SSX2IP: variants seen among roughly 807,000 people sequenced by gnomAD.
The protein encoded by SSX2IP is SSX family member 2 interacting protein, also known as afadin- and alpha-actinin-binding protein.
Under a neutral mutation model 84.9 loss-of-function variants are expected in SSX2IP, and 55 were observed. The observed-to-expected ratio is 0.65, with a 90% CI of 0.52 to 0.81. SSX2IP has a LOEUF of 0.81. SSX2IP is among the 30% of genes least tolerant of loss of function. The pLI is 0.00. For synonymous variants in SSX2IP, 239 were observed against 234.7 expected, an observed-to-expected ratio of 1.02 and a Z score of -0.17; for missense variants, 664 against 705.2, an observed-to-expected ratio of 0.94 and a Z score of 0.66.
At chr1:84,683,460 G>C (rs1295444897) in intron 1 of SSX2IP, among the ~76,000 whole-genome samples, 2 of 152,102 alleles carry the variant, frequency 1.3e-5, no homozygotes, top group African/African-American at 4.8e-5. Flanking sequence ...TATATTGCCA[G>C]GCTTTCCCTG....
rs770385084 is a variant in SSX2IP at position 84,669,853 on chromosome 1, G to T, written c.254C>A (p.Ser85Tyr). 1.9e-6 allele frequency: 3 copies of T among 1,613,210 alleles called. No individual in the cohort carries two copies. The South Asian group carries it at 3.3e-5, about 18-fold the overall frequency. ...CTCTCTCTTTGTCTCTTTACCTTTG[G>T]ATTCTTCATATAATGAAGGAAAACC... is the stretch of plus-strand genomic sequence containing the variant. ...TFGFPSLYEE[S>Y]KGKETKRELN... The change falls in exon 4 of 14, where the codon TCC becomes TAC. Residue 85 changes from serine to tyrosine, a missense_variant. Physicochemically the swap from Ser to Tyr is moderately radical, Grantham distance 144. Transcript: ENST00000342203.
intron 1 of SSX2IP, among the ~76,000 whole-genome samples, chr1:84,676,719 C>CT (rs61017474): frequency 0.024 from 2,427 of 99,410 alleles, 147 homozygotes; most frequent in African/African-American, 0.084. Flanking sequence ...TGCTCTTTTC[C>CT]TTTTTTTTTT....
At chr1:84,689,209 T>C (rs1326046540) in intron 1 of SSX2IP, among the ~76,000 whole-genome samples, 1 of 152,220 alleles carries the variant, frequency 6.6e-6, no homozygotes, top group East Asian at 1.9e-4. Context: ...AAGGCATTTC[T>C]TTCCTCTCCA....
At chr1:84,680,235 T>C (rs1654892069) in intron 1 of SSX2IP, 1 of 152,194 alleles carries the variant, frequency 6.6e-6, no homozygotes, top group South Asian at 2.1e-4. Flanking sequence ...ATTCCTTATA[T>C]ATCTTTGAAC....
intron 1 of SSX2IP, among the ~76,000 whole-genome samples, chr1:84,671,708 C>T (rs1264147942): frequency 6.6e-6 from 1 of 152,126 alleles, no homozygotes; most frequent in Non-Finnish European, 1.5e-5. Flanking sequence ...TTTTTACCAA[C>T]TATATTGGCA....
intron 12 of SSX2IP, among the ~76,000 whole-genome samples, chr1:84,651,054 A>G (rs1016353858): frequency 6.6e-6 from 1 of 152,148 alleles, no homozygotes; most frequent in East Asian, 1.9e-4. Context: ...GGTGGCTCAC[A>G]CCTGTAATCC....
In SSX2IP at chr1:84,647,085, T is replaced by C. The variant is rs1649540151; in HGVS notation, c.*348A>G. 6.1e-6 allele frequency: 1 copy of C among 164,284 alleles called. No homozygotes were observed. The highest frequency in any genetic ancestry group is 1.3e-5 in the Non-Finnish European group (1 of 76,142). The allele number at this position is 164,284 out of a possible 1,614,324, so 10.2% of individuals were successfully genotyped here. On this transcript the variant is annotated 3_prime_UTR_variant, in exon 14 of 14. Transcript: ENST00000342203. ...AAGGCTAAACTTCCAATGCCAACTA[T>C]ATTTGAGACAAAATTAAACATTTAC... is the stretch of plus-strand genomic sequence containing the variant.
At chr1:84,659,325 G>A (rs545470774) in intron 8 of SSX2IP, among the ~76,000 whole-genome samples, 2 of 152,156 alleles carry the variant, frequency 1.3e-5, no homozygotes, top group Admixed American at 6.5e-5. Context: ...GGTCAGCAAT[G>A]GGCTAGCAGA....
chr1:84,656,417 T>C lies in SSX2IP; in HGVS notation c.1146A>G (p.Glu382=). ...DVISRQDHEQ[E]TEKLELEIQQ... Reference sequence around the variant, plus strand: ...GAATTTCTAACTCGAGTTTTTCAGTTTCTTGTTCATGGTCTTGTCGTGAGA... The same window carrying C: ...GAATTTCTAACTCGAGTTTTTCAGTCTCTTGTTCATGGTCTTGTCGTGAGA... Residue 382 remains glutamate, a synonymous_variant, in exon 10 of 14, where the codon GAA becomes GAG. Coordinates refer to ENST00000342203, the MANE Select transcript of SSX2IP (RefSeq NM_001166293.2). The C allele has an allele frequency of 6.2e-7, 1 of 1,613,664 alleles. No individual in the cohort carries two copies. The highest frequency in any genetic ancestry group is 8.5e-7 in the Non-Finnish European group (1 of 1,179,818).
In SSX2IP at chr1:84,671,256, T is replaced by C. The variant is rs372456131; in HGVS notation, c.-37A>G. 13 of 1,604,832 alleles carry C rather than the reference T, an allele frequency of 8.1e-6. No homozygotes were observed. Among genetic ancestry groups the C allele is most frequent in the Middle Eastern group, 1.7e-4 (1 of 6,058 alleles). ...GAGCCAGGATACCTGAGGAACTAGT[T>C]CAGCAGTTAAACATTTAGTCTAGCT... On this transcript the variant is annotated 5_prime_UTR_variant, in exon 2 of 14. An upstream open reading frame in the 5' UTR loses its in-frame stop. Coordinates refer to ENST00000342203, the MANE Select transcript of SSX2IP (RefSeq NM_001166293.2).
At position 84,647,289 on chromosome 1, in the gene SSX2IP, C is replaced by T. The variant is rs1220876873; in HGVS notation, c.*144G>A. 3.3e-6 allele frequency: 2 copies of T among 615,280 alleles called. No homozygotes were observed. The highest frequency in any genetic ancestry group is 3.6e-5 in the South Asian group (1 of 28,108). 38.1% of individuals were successfully genotyped at this position (615,280 alleles called of 1,614,324 possible). Reference sequence around the variant, plus strand: ...TTTAAATAGATTTAAGATTTCAACTCTTTGGGGGAAGACAGGGAAGTCCAA... The same window carrying T: ...TTTAAATAGATTTAAGATTTCAACTTTTTGGGGGAAGACAGGGAAGTCCAA... On this transcript the variant is annotated 3_prime_UTR_variant, in exon 14 of 14. Transcript: ENST00000342203.
At chr1:84,684,929 G>T (rs1455196655) in intron 1 of SSX2IP, among the ~76,000 whole-genome samples, 3 of 151,800 alleles carry the variant, frequency 2.0e-5, no homozygotes, top group Admixed American at 6.6e-5. Flanking sequence ...ATGAATATAG[G>T]ATTCAGTAAA....
At position 84,662,342 on chromosome 1, in the gene SSX2IP, A is replaced by T. The variant is rs748686464; in HGVS notation, c.783T>A (p.Asn261Lys). The part of the protein sequence containing the change: ...NEDEMYKILL[N>K]DYEYRQKQIL... ...TTTGTTTCTGACGATATTCATAATC[A>T]TTCAAGAGAATTTTATACATTTCAT... Residue 261 changes from asparagine to lysine, a missense_variant, in exon 8 of 14, where the codon AAT becomes AAA. Transcript: ENST00000342203. 9.9e-6 allele frequency: 16 copies of T among 1,608,108 alleles called. No homozygotes were observed. The highest frequency in any genetic ancestry group is 1.3e-5 in the Non-Finnish European group (15 of 1,178,018).
chr1:84,679,738 T>C (rs1654825539), intron 1 of SSX2IP, among the ~76,000 whole-genome samples: 1 of 152,240 alleles, frequency 6.6e-6, no homozygotes, highest in African/African-American at 2.4e-5. Flanking sequence ...CATAGGGTAC[T>C]GGTTTAATAA....
At chr1:84,654,065 A>T (rs1296715631) in intron 11 of SSX2IP, among the ~76,000 whole-genome samples, 2 of 152,172 alleles carry the variant, frequency 1.3e-5, no homozygotes, top group Non-Finnish European at 2.9e-5. Flanking sequence ...AATTGAGAAC[A>T]AAAGTCAACC....
At chr1:84,665,722 G>A (rs4907001) in intron 5 of SSX2IP, among the ~76,000 whole-genome samples, 15,924 of 152,026 alleles carry the variant, frequency 0.1, 984 homozygotes, top group African/African-American at 0.16. Context: ...TTGACTAGAC[G>A]AACAATGTCA....
intron 13 of SSX2IP, 28 bp from the exon 14 acceptor site, chr1:84,647,635 G>T (rs1349106527): frequency 6.8e-7 from 1 of 1,480,288 alleles, no homozygotes; most frequent in South Asian, 1.5e-5. Context: ...GCAGATCTTA[G>T]TGACTATCCT....
At chr1:84,663,952 CCTAA>C (rs1222282509) in intron 6 of SSX2IP, among the ~76,000 whole-genome samples, 3 of 152,148 alleles carry the variant, frequency 2.0e-5, no homozygotes, top group East Asian at 1.9e-4. Flanking sequence ...CACACACACG[CCTAA>C]CTTTTATAGT....
At chr1:84,647,720 T>C (rs1161070068) in intron 13 of SSX2IP, 113 bp from the exon 14 acceptor site, 13 of 767,090 alleles carry the variant, frequency 1.7e-5, no homozygotes, top group Non-Finnish European at 2.3e-5. Context: ...TCTAAAAATC[T>C]AGGCCAAAAA....
Sources: allele counts gnomAD v4.1 joint callset (sites outside exome capture counted in the v4.1 genomes callset), GRCh38; gene constraint gnomAD v4.1.1; transcripts MANE v1.5; gene names NCBI Gene and HGNC (gene_info 2026-07-23, HGNC 2026-07-21).